TPP2: variants seen among roughly 807,000 people sequenced by gnomAD.
TPP2 encodes the protein tripeptidyl-peptidase 2.
A neutral mutation model predicts 155.9 loss-of-function variants in TPP2; 34 were observed. That is an observed-to-expected ratio of 0.22 (90% CI 0.17 to 0.29). The LOEUF is 0.29. Among genes scored for constraint, TPP2 ranks in the 10% least tolerant of loss-of-function variants. The probability of loss-of-function intolerance (pLI) is 1.00; values close to 1 mark genes in which losing one functional copy is unlikely to be tolerated. For missense variants in TPP2, 1,028 were observed against 1,522.3 expected (o/e 0.68, Z 5.40); for synonymous variants, 510 against 529.4 (o/e 0.96, Z 0.50).
At chr13:102,639,177 T>C (rs776962866) in intron 15 of TPP2, among the ~76,000 whole-genome samples, 5 of 152,174 alleles carry the variant, frequency 3.3e-5, no homozygotes, top group Non-Finnish European at 7.3e-5. Flanking sequence ...TCTTTCACTG[T>C]GAGCCCACCG....
chr13:102,631,879 C>G (rs2139491699), intron 10 of TPP2, among the ~76,000 whole-genome samples: 1 of 152,376 alleles, frequency 6.6e-6, no homozygotes, highest in South Asian at 2.1e-4. Flanking sequence ...GCCTCTGCAT[C>G]AGCATTGACT....
chr13:102,616,368 T>G lies in TPP2; in HGVS notation c.391-28T>G, dbSNP rs773228048. On this transcript the variant is annotated intron_variant, in intron 3 of 29. Coordinates refer to ENST00000376052, the MANE Select transcript of TPP2 (RefSeq NM_001330588.2). ...TTTACCTGAGTATTTGTCAGCCTAA[T>G]TGTAAGGTAATTTTTCTGTCTTTGC... 19 of 1,579,074 alleles carry G rather than the reference T, an allele frequency of 1.2e-5. 1 individual carries two copies. In the Admixed American group the frequency reaches 2.6e-4, roughly 22 times the overall value.
At chr13:102,621,816 A>C (rs1181885160) in intron 5 of TPP2, among the ~76,000 whole-genome samples, 4 of 152,172 alleles carry the variant, frequency 2.6e-5, no homozygotes, top group African/African-American at 9.6e-5. Flanking sequence ...GACTTCCAGG[A>C]TGGATGCTGG....
chr13:102,617,646 G>T (rs892348999), intron 4 of TPP2, among the ~76,000 whole-genome samples: 1 of 152,154 alleles, frequency 6.6e-6, no homozygotes, highest in Non-Finnish European at 1.5e-5. Flanking sequence ...ATTGAGATTT[G>T]AATCCATATT....
intron 10 of TPP2, among the ~76,000 whole-genome samples, chr13:102,632,414 G>A (rs1947873195): frequency 6.6e-6 from 1 of 151,556 alleles, no homozygotes; most frequent in African/African-American, 2.4e-5. Context: ...GTTAATTTTT[G>A]TATTTTTAGT....
intron 6 of TPP2, among the ~76,000 whole-genome samples, chr13:102,625,800 C>T (rs963386424): frequency 1.6e-4 from 24 of 151,674 alleles, no homozygotes; most frequent in Non-Finnish European, 3.0e-4. Context: ...CCTACTTCTC[C>T]TGGAGCTCCA....
At chr13:102,663,828 C>T in intron 26 of TPP2, 84 bp downstream of exon 26, 1 of 1,025,730 alleles carries the variant, frequency 9.7e-7, no homozygotes. Flanking sequence ...TTATCTTTCT[C>T]TTCTGTTCTT....
At chr13:102,637,835 A>C (rs1186839141) in intron 14 of TPP2, among the ~76,000 whole-genome samples, 1 of 152,190 alleles carries the variant, frequency 6.6e-6, no homozygotes, top group Admixed American at 6.5e-5. Context: ...ACAGGTGTGA[A>C]CCACCACACC....
chr13:102,670,835 G>T (rs1884927062), intron 27 of TPP2, among the ~76,000 whole-genome samples: 1 of 152,194 alleles, frequency 6.6e-6, no homozygotes, highest in Non-Finnish European at 1.5e-5. Context: ...AAGTTAGAAT[G>T]TATCCACGAT....
chr13:102,671,882 C>CA (rs201302260), intron 27 of TPP2, among the ~76,000 whole-genome samples: 2,710 of 152,262 alleles, frequency 0.018, 46 homozygotes, highest in Non-Finnish European at 0.029. Flanking sequence ...ACCGAGCCTC[C>CA]ACTAGCTTTA....
intron 5 of TPP2, among the ~76,000 whole-genome samples, chr13:102,619,447 AC>A (rs1464820414): frequency 1.4e-4 from 21 of 148,038 alleles, no homozygotes; most frequent in Non-Finnish European, 2.4e-4. Context: ...CAAAAAAAAA[AC>A]AAACAAACAG....
At chr13:102,633,823 C>T (rs1882187551) in intron 10 of TPP2, 127 bp from the exon 11 acceptor site, 2 of 1,335,006 alleles carry the variant, frequency 1.5e-6, no homozygotes, top group Non-Finnish European at 2.0e-6. Context: ...ATCTGTGTCA[C>T]TATTTGTAAT....
chr13:102,616,475 A>T lies in TPP2; in HGVS notation c.470A>T (p.Asp157Val), dbSNP rs1880741831. ...GCCTGTAGAAAACAGGAAGAATTTG[A>T]TGTTGCCAACAACGGCTCTTCTCAA... ...AEACRKQEEF[D>V]VANNGSSQAN... The change falls in exon 4 of 30, where the codon GAT (aspartate) becomes GTT (valine). Residue 157 changes from aspartate (D) to valine (V), a missense_variant. Asp to Val is a radical substitution (Grantham distance 152, BLOSUM62 -3). Transcript: ENST00000376052. The T allele has an allele frequency of 6.2e-7, 1 of 1,611,902 alleles. No individual in the cohort carries two copies. Among genetic ancestry groups the T allele is most frequent in the Non-Finnish European group, 8.5e-7 (1 of 1,178,990 alleles).
intron 2 of TPP2, among the ~76,000 whole-genome samples, chr13:102,611,509 C>G (rs1880316608): frequency 6.6e-6 from 1 of 152,090 alleles, no homozygotes; most frequent in African/African-American, 2.4e-5. Context: ...AACCCCCTCT[C>G]TGCTAAAAAT....
chr13:102,615,888 T>C (rs1880682001), intron 3 of TPP2, among the ~76,000 whole-genome samples: 1 of 152,188 alleles, frequency 6.6e-6, no homozygotes, highest in African/African-American at 2.4e-5. Flanking sequence ...TCTTAAACCC[T>C]GGGTGCAATG....
intron 24 of TPP2, among the ~76,000 whole-genome samples, chr13:102,655,252 G>A (rs1287273174): frequency 2.0e-5 from 3 of 152,078 alleles, no homozygotes; most frequent in Admixed American, 2.0e-4. Flanking sequence ...ATTTAAAATG[G>A]GAATATTTGT....
chr13:102,658,659 G>T (rs993916247), intron 25 of TPP2, among the ~76,000 whole-genome samples: 1 of 152,190 alleles, frequency 6.6e-6, no homozygotes, highest in Non-Finnish European at 1.5e-5. Context: ...AGAAAAGCAA[G>T]AGTCTGTGAT....
rs1426093745 is a variant in TPP2 at position 102,664,763 on chromosome 13, C to T, written c.3241-32C>T. 3.1e-6 allele frequency: 5 copies of T among 1,601,780 alleles called. No individual in the cohort carries two copies. In the African/African-American group the frequency reaches 4.0e-5, roughly 13 times the overall value. On this transcript the variant is annotated intron_variant, in intron 26 of 29. Transcript: ENST00000376052. Reference sequence around the variant, plus strand: ...TGCTTTCGTATACTGATTGATATACCTATTTTTTATTATTTCTTTTTTCCT... The same window carrying T: ...TGCTTTCGTATACTGATTGATATACTTATTTTTTATTATTTCTTTTTTCCT...
rs757551626 is a variant in TPP2, at chr13:102,630,077, G to A, written c.1145-19G>A. 1.2e-6 allele frequency: 2 copies of A among 1,605,788 alleles called. No homozygotes were observed. The highest frequency in any genetic ancestry group is 1.7e-6 in the Non-Finnish European group (2 of 1,174,970). ...TCCCCGTTTGTTTTCTTTTCTTAAT[G>A]ATTAAATCCATCCCACAGGTGTTGG... On this transcript the variant is annotated intron_variant, in intron 9 of 29. Transcript: ENST00000376052.
Sources: gnomAD v4.1 joint callset for allele counts (sites outside exome capture counted in the v4.1 genomes callset) on GRCh38, gnomAD v4.1.1 for gene constraint, MANE v1.5 for transcripts, NCBI Gene and HGNC (gene_info 2026-07-23, HGNC 2026-07-21) for gene names.